Variants in DECR1 observed in about 807,000 individuals in gnomAD.
DECR1 encodes 2,4-dienoyl-CoA reductase [(3E)-enoyl-CoA-producing], mitochondrial.
Under a neutral mutation model 38.8 loss-of-function variants are expected in DECR1, and 44 were observed. The ratio of observed to expected loss-of-function variants is 1.13; its 90% CI spans 0.89 to 1.46. DECR1 has a LOEUF of 1.46. Ranked by LOEUF, DECR1 falls within the 40% of genes most tolerant of loss-of-function variation. The probability of loss-of-function intolerance (pLI) is 0.00; values close to 1 mark genes in which losing one functional copy is unlikely to be tolerated. For synonymous variants in DECR1, 148 were observed against 135.2 expected (o/e 1.09, Z -0.66); for missense variants, 428 against 405.5 (o/e 1.06, Z -0.48).
At chr8:90,037,287 C>T (rs944281268) in intron 6 of DECR1, among the ~76,000 whole-genome samples, 4 of 152,048 alleles carry the variant, frequency 2.6e-5, no homozygotes, top group Middle Eastern at 3.2e-3. Flanking sequence ...AGGACTATAG[C>T]TTTTTTGCTC....
chr8:90,015,679 G>A (rs1445042552), intron 1 of DECR1: 2 of 456,178 alleles, frequency 4.4e-6, no homozygotes, highest in South Asian at 3.1e-5. Context: ...AGCTTCTGGA[G>A]TTTTAACTGG....
intron 5 of DECR1, among the ~76,000 whole-genome samples, chr8:90,024,540 C>A (rs1460680496): frequency 2.0e-5 from 3 of 152,142 alleles, no homozygotes; most frequent in Non-Finnish European, 4.4e-5. Context: ...CTGTTCAAAT[C>A]CTTCGCCTAC....
chr8:90,018,492 T>C (rs1813064542), intron 2 of DECR1: 1 of 148,320 alleles, frequency 6.7e-6, no homozygotes, highest in Non-Finnish European at 1.5e-5. Flanking sequence ...TTTAAGAGTT[T>C]AAATATATTA....
chr8:90,011,260 C>G (rs1812875975), intron 1 of DECR1, among the ~76,000 whole-genome samples: 1 of 152,308 alleles, frequency 6.6e-6, no homozygotes. Context: ...TGTTTACAGT[C>G]AGCATATACA....
chr8:90,016,975 A>G, intron 1 of DECR1, 149 bp from the exon 2 acceptor site: 1 of 616,302 alleles, frequency 1.6e-6, no homozygotes, highest in Non-Finnish European at 2.8e-6. Context: ...AACAAAGAAT[A>G]ATAATTAAGT....
At chr8:90,018,854 C>T in intron 2 of DECR1, 55 bp from the exon 3 acceptor site, 1 of 1,282,838 alleles carries the variant, frequency 7.8e-7, no homozygotes, top group Non-Finnish European at 1.1e-6. Context: ...CTGTATTCTT[C>T]AATTTATGAA....
At chr8:90,013,649 T>TGAA (rs1812941247) in intron 1 of DECR1, among the ~76,000 whole-genome samples, 3 of 152,152 alleles carry the variant, frequency 2.0e-5, no homozygotes, top group African/African-American at 7.2e-5. Flanking sequence ...GCTTCTGACT[T>TGAA]TTATGTGAAT....
chr8:90,004,653 AT>A (rs886956793), intron 1 of DECR1, among the ~76,000 whole-genome samples: 3 of 151,948 alleles, frequency 2.0e-5, no homozygotes, highest in Non-Finnish European at 4.4e-5. Flanking sequence ...TGTTTTCTTT[AT>A]TTTTTTTAAA....
At chr8:90,050,270 TC>T (rs1256928624) in intron 8 of DECR1, among the ~76,000 whole-genome samples, 1 of 152,160 alleles carries the variant, frequency 6.6e-6, no homozygotes, top group Non-Finnish European at 1.5e-5. Context: ...ATGTTTACAA[TC>T]TACCCATCTG....
chr8:90,001,516 C>G lies in DECR1; in HGVS notation c.24C>G (p.Phe8Leu), dbSNP rs756925164. MKLPARV[F>L]FTLGSRLPCG... Reference sequence around the variant, plus strand: ...ACATGAAGCTACCGGCCAGGGTTTTCTTTACTCTGGGGTCCCGGCTGCCCT... The same window carrying G: ...ACATGAAGCTACCGGCCAGGGTTTTGTTTACTCTGGGGTCCCGGCTGCCCT... The change falls in exon 1 of 10, where the codon TTC becomes TTG. Residue 8 changes from phenylalanine to leucine, a missense_variant. Transcript: ENST00000220764. 2.5e-6 allele frequency: 4 copies of G among 1,613,896 alleles called. No homozygotes were observed. In the Admixed American group the frequency reaches 5.0e-5, roughly 20 times the overall value.
At chr8:90,027,009 A>G (rs1433988493) in intron 5 of DECR1, among the ~76,000 whole-genome samples, 1 of 152,248 alleles carries the variant, frequency 6.6e-6, no homozygotes, top group African/African-American at 2.4e-5. Context: ...CAGATTGTTC[A>G]GTTTCCATGT....
At chr8:90,032,398 T>C (rs988356391) in intron 5 of DECR1, among the ~76,000 whole-genome samples, 1 of 152,176 alleles carries the variant, frequency 6.6e-6, no homozygotes, top group Non-Finnish European at 1.5e-5. Context: ...TTAAAATTCA[T>C]CTTTCTGACT....
chr8:90,037,907 A>G (rs780636746), intron 6 of DECR1, among the ~76,000 whole-genome samples: 6 of 152,166 alleles, frequency 3.9e-5, no homozygotes, highest in Non-Finnish European at 8.8e-5. Context: ...CATTTTCACC[A>G]GAATTATCTT....
intron 1 of DECR1, among the ~76,000 whole-genome samples, chr8:90,002,884 T>A (rs1224245361): frequency 6.6e-6 from 1 of 152,190 alleles, no homozygotes; most frequent in African/African-American, 2.4e-5. Context: ...CTACAACAGC[T>A]CTGTGATGTC....
intron 5 of DECR1, among the ~76,000 whole-genome samples, chr8:90,034,595 G>A (rs973804288): frequency 2.6e-5 from 4 of 152,052 alleles, no homozygotes; most frequent in Non-Finnish European, 5.9e-5. Context: ...GGAATTACAG[G>A]CATGCCCTAC....
At chr8:90,015,937 A>G (rs1222518263) in intron 1 of DECR1, among the ~76,000 whole-genome samples, 1 of 152,224 alleles carries the variant, frequency 6.6e-6, no homozygotes, top group Non-Finnish European at 1.5e-5. Context: ...GGTTGTTTGG[A>G]AGATTAAATA....
chr8:90,016,794 T>A (rs1813019713), intron 1 of DECR1: 1 of 289,088 alleles, frequency 3.5e-6, no homozygotes, highest in Admixed American at 5.0e-5. Flanking sequence ...CTGTAATAAC[T>A]CATATAATCC....
At chr8:90,021,459 G>A (rs976533733) in intron 5 of DECR1, among the ~76,000 whole-genome samples, 1 of 152,180 alleles carries the variant, frequency 6.6e-6, no homozygotes, top group Admixed American at 6.5e-5. Context: ...TTAGAGATGG[G>A]GAAAGGAATA....
At chr8:90,027,948 C>T (rs1257973487) in intron 5 of DECR1, among the ~76,000 whole-genome samples, 1 of 151,876 alleles carries the variant, frequency 6.6e-6, no homozygotes, top group Non-Finnish European at 1.5e-5. Flanking sequence ...GTAAATTATC[C>T]TAGTTATATA....
Sources: gnomAD v4.1 joint callset for allele counts (sites outside exome capture counted in the v4.1 genomes callset) on GRCh38, gnomAD v4.1.1 for gene constraint, MANE v1.5 for transcripts, NCBI Gene and HGNC (gene_info 2026-07-23, HGNC 2026-07-21) for gene names.